Variants in APBA1 observed in about 807,000 individuals in gnomAD.
APBA1 encodes the protein amyloid-beta A4 precursor protein-binding family A member 1.
In APBA1, 55 loss-of-function variants were observed where a neutral mutation model predicts 86.6. The observed-to-expected ratio is 0.64, with a 90% CI of 0.51 to 0.80. APBA1 has a LOEUF of 0.80. Ranked by LOEUF, APBA1 falls within the 30% of genes least tolerant of loss-of-function variation. APBA1 has a pLI of 0.00. For synonymous variants in APBA1, 511 were observed against 493.9 expected (o/e 1.03, Z -0.46); for missense variants, 1,090 against 1,183.0 (o/e 0.92, Z 1.15).
chr9:69,672,940 C>T (rs1588422891), upstream of APBA1: 2 of 152,398 alleles, frequency 1.3e-5, no homozygotes, highest in Non-Finnish European at 2.9e-5. Flanking sequence ...GAGTGACTCC[C>T]GAGCTTTCCC....
intron 1 of APBA1, among the ~76,000 whole-genome samples, chr9:69,524,875 G>A (rs749044763): frequency 3.6e-4 from 55 of 152,082 alleles, no homozygotes; most frequent in Non-Finnish European, 6.8e-4. Flanking sequence ...ACATCAAAAA[G>A]TGATCCTTGA....
At chr9:69,602,543 C>T (rs1314667623) in intron 1 of APBA1, among the ~76,000 whole-genome samples, 1 of 151,720 alleles carries the variant, frequency 6.6e-6, no homozygotes, top group Non-Finnish European at 1.5e-5. Context: ...TGCATTCCAG[C>T]CTGGGTGACG....
chr9:69,623,567 C>A (rs959502196), intron 1 of APBA1, among the ~76,000 whole-genome samples: 1 of 152,156 alleles, frequency 6.6e-6, no homozygotes, highest in African/African-American at 2.4e-5. Context: ...TTTGCAAGAG[C>A]TGGCCCTGAC....
chr9:69,527,779 T>A (rs1023761916), intron 1 of APBA1, among the ~76,000 whole-genome samples: 1 of 152,140 alleles, frequency 6.6e-6, no homozygotes, highest in Non-Finnish European at 1.5e-5. Context: ...CTTTGGCCAC[T>A]CCTATATTGG....
intron 1 of APBA1, among the ~76,000 whole-genome samples, chr9:69,551,446 G>A (rs371500241): frequency 2.0e-5 from 3 of 151,884 alleles, no homozygotes; most frequent in Admixed American, 1.3e-4. Flanking sequence ...CCAGCTACTC[G>A]GGAGGCTGGG....
rs59029612 is a variant in APBA1, at chr9:69,582,306, T to A, written c.-69-65027A>T. On this transcript the variant is annotated intron_variant, in intron 1 of 12. Transcript: ENST00000265381. Reference sequence around the variant, plus strand: ...CTCGCTCATAAGTAAGTTCCCCTTTTAGGCACTCCAGGAGTCCAAACAAAG... The same window carrying A: ...CTCGCTCATAAGTAAGTTCCCCTTTAAGGCACTCCAGGAGTCCAAACAAAG... 7.0e-3 allele frequency among the ~76,000 whole-genome samples: 1,062 copies of A among 152,288 alleles called. 9 individuals are homozygous for A. The highest frequency in any genetic ancestry group is 0.024 in the African/African-American group (996 of 41,548).
chr9:69,466,115 C>A (rs940438450), intron 5 of APBA1, among the ~76,000 whole-genome samples: 2 of 152,174 alleles, frequency 1.3e-5, no homozygotes, highest in Admixed American at 6.5e-5. Context: ...GAAGGGCCAG[C>A]TCTGAGCTTG....
intron 1 of APBA1, among the ~76,000 whole-genome samples, chr9:69,654,511 T>G (rs1823570828): frequency 6.6e-6 from 1 of 151,844 alleles, no homozygotes; most frequent in Non-Finnish European, 1.5e-5. Context: ...AAGAAAAGAA[T>G]AGAAAACCTG....
At chr9:69,541,837 A>C (rs1836618963) in intron 1 of APBA1, among the ~76,000 whole-genome samples, 1 of 152,098 alleles carries the variant, frequency 6.6e-6, no homozygotes. Flanking sequence ...AAACTTTAAA[A>C]GTAATTTATT....
chr9:69,445,149 T>C (rs949927744), intron 10 of APBA1, among the ~76,000 whole-genome samples: 2 of 152,266 alleles, frequency 1.3e-5, no homozygotes, highest in Non-Finnish European at 2.9e-5. Context: ...CTCTATTTTC[T>C]CAATGTTGCC....
Position 69,516,010 on chromosome 9 carries a change from C to T in APBA1, c.1200+1G>A. The T allele has an allele frequency of 6.4e-7, 1 of 1,558,560 alleles. No individual in the cohort carries two copies. The highest frequency in any genetic ancestry group is 8.7e-7 in the Non-Finnish European group (1 of 1,147,056). On this transcript the variant is annotated splice_donor_variant, in intron 2 of 12. Transcript: ENST00000265381. LOFTEE classifies it high-confidence loss of function. The surrounding 1 kb of genome is among the most constrained non-coding windows in gnomAD (Gnocchi z 7.3). ...GGAAGCCCAAACCCGCACCTACTTA[C>T]ATCTCCGTCCATCGGCCTCTGGTCG...
At chr9:69,536,046 G>GTT (rs10579030) in intron 1 of APBA1, among the ~76,000 whole-genome samples, 1 of 143,830 alleles carries the variant, frequency 7.0e-6, no homozygotes, top group Non-Finnish European at 1.5e-5. Flanking sequence ...GCAGTTTTTT[G>GTT]TTTTTTTTTT....
intron 1 of APBA1, among the ~76,000 whole-genome samples, chr9:69,579,953 G>A (rs1015512200): frequency 2.6e-4 from 39 of 152,158 alleles, no homozygotes; most frequent in Admixed American, 1.6e-3. Context: ...CCAGAGATGC[G>A]GTTATCTGTA....
At chr9:69,620,609 G>A (rs550713217) in intron 1 of APBA1, among the ~76,000 whole-genome samples, 37 of 152,142 alleles carry the variant, frequency 2.4e-4, no homozygotes, top group Non-Finnish European at 4.3e-4. Flanking sequence ...CCCGGGAGGC[G>A]GAGGTTGCAG....
intron 2 of APBA1, among the ~76,000 whole-genome samples, chr9:69,495,093 G>A (rs1365012337): frequency 6.6e-6 from 1 of 152,034 alleles, no homozygotes; most frequent in African/African-American, 2.4e-5. Context: ...CCCTTTCCAA[G>A]CACCTTTTCT....
chr9:69,549,516 ACT>A (rs1165679483), intron 1 of APBA1, among the ~76,000 whole-genome samples: 1 of 151,964 alleles, frequency 6.6e-6, no homozygotes, highest in Non-Finnish European at 1.5e-5. Context: ...CCAACTTCAC[ACT>A]CTATCAGAAT....
chr9:69,511,751 T>G (rs986411007), intron 2 of APBA1, among the ~76,000 whole-genome samples: 29 of 151,874 alleles, frequency 1.9e-4, no homozygotes, highest in African/African-American at 3.6e-4. Context: ...CCATAAAAAA[T>G]GATGAGTTCA....
At chr9:69,643,317 C>T (rs1259898469) in intron 1 of APBA1, among the ~76,000 whole-genome samples, 1 of 152,172 alleles carries the variant, frequency 6.6e-6, no homozygotes, top group African/African-American at 2.4e-5. Context: ...CTTTTCCACA[C>T]CTCTCTCCTG....
chr9:69,577,599 G>T (rs1284054448), intron 1 of APBA1, among the ~76,000 whole-genome samples: 4 of 152,136 alleles, frequency 2.6e-5, no homozygotes, highest in African/African-American at 9.7e-5. Flanking sequence ...AGCTGTGAGT[G>T]AAGAAACCAC....
Sources: allele counts gnomAD v4.1 joint callset (sites outside exome capture counted in the v4.1 genomes callset), GRCh38; gene constraint gnomAD v4.1.1; non-coding constraint Gnocchi (gnomAD v3.1); transcripts MANE v1.5; gene names NCBI Gene and HGNC (gene_info 2026-07-23, HGNC 2026-07-21).